Variants in CFAP77 observed in about 807,000 individuals in gnomAD.
CFAP77 encodes cilia- and flagella-associated protein 77.
A neutral mutation model predicts 31.1 loss-of-function variants in CFAP77; 25 were observed. The ratio of observed to expected loss-of-function variants is 0.80; its 90% CI spans 0.59 to 1.12. The LOEUF (loss-of-function observed/expected upper bound fraction) is 1.12. CFAP77 is among the 50% of genes most tolerant of loss of function. The pLI, the probability that CFAP77 is intolerant of heterozygous loss-of-function variation, is 0.00. For missense variants in CFAP77, 377 were observed against 397.3 expected (o/e 0.95, Z 0.44); for synonymous variants, 151 against 159.9 (o/e 0.94, Z 0.42).
At chr9:132,438,618 C>T (rs1211764470) in intron 1 of CFAP77, among the ~76,000 whole-genome samples, 1 of 148,964 alleles carries the variant, frequency 6.7e-6, no homozygotes, top group African/African-American at 2.5e-5. Flanking sequence ...TCACTGCAGC[C>T]CCAACCTCCT....
intron 1 of CFAP77, among the ~76,000 whole-genome samples, chr9:132,488,367 A>G (rs1392158947): frequency 6.6e-6 from 1 of 152,156 alleles, no homozygotes; most frequent in Admixed American, 6.5e-5. Flanking sequence ...TGGCTTCCCC[A>G]CTTTTCACCT....
intron 1 of CFAP77, among the ~76,000 whole-genome samples, chr9:132,441,750 C>G (rs1246102016): frequency 6.6e-6 from 1 of 152,126 alleles, no homozygotes; most frequent in Non-Finnish European, 1.5e-5. Flanking sequence ...GATTCAAATA[C>G]CAGGAACCCG....
rs507998 is a variant in CFAP77, at chr9:132,455,104, C to T, written c.196-43591C>T. On this transcript the variant is annotated intron_variant, in intron 1 of 5. Coordinates refer to ENST00000393216, the MANE Select transcript of CFAP77 (RefSeq NM_001282957.2). The surrounding 1 kb of genome is among the most constrained non-coding windows in gnomAD (Gnocchi z 4.1). ...GATATCTTGTGAAGTTTGTTCTACT[C>T]GCAGATCCTAGCTGGCCCTTTCCTA... 0.26 allele frequency among the ~76,000 whole-genome samples: 39,635 copies of T among 152,174 alleles called. 5,307 individuals are homozygous for T. The highest frequency in any genetic ancestry group is 0.35 in the Admixed American group (5,345 of 15,286).
intron 1 of CFAP77, among the ~76,000 whole-genome samples, chr9:132,460,035 T>C (rs12335973): frequency 0.073 from 11,095 of 152,206 alleles, 390 homozygotes; most frequent in Middle Eastern, 0.1. Context: ...CATCCTTCCA[T>C]GCAGGGCATC....
At chr9:132,413,833 T>G (rs1850052784) in intron 1 of CFAP77, among the ~76,000 whole-genome samples, 1 of 152,200 alleles carries the variant, frequency 6.6e-6, no homozygotes, top group African/African-American at 2.4e-5. Flanking sequence ...CACCCGATTT[T>G]TTCATAATTT....
chr9:132,436,799 T>C (rs1312020756), intron 1 of CFAP77, among the ~76,000 whole-genome samples: 1 of 151,798 alleles, frequency 6.6e-6, no homozygotes, highest in Non-Finnish European at 1.5e-5. Context: ...GGTTGATGAG[T>C]GGGGTAGTGA....
chr9:132,572,301 T>A, intron 5 of CFAP77, 87 bp from the exon 6 acceptor site: 11 of 1,438,306 alleles, frequency 7.6e-6, no homozygotes, highest in Non-Finnish European at 1.0e-5. Context: ...ATTCTAAGAT[T>A]GAAGCAGGGG....
At chr9:132,551,768 T>C (rs956906069) in intron 5 of CFAP77, among the ~76,000 whole-genome samples, 1 of 152,192 alleles carries the variant, frequency 6.6e-6, no homozygotes, top group Non-Finnish European at 1.5e-5. Flanking sequence ...ACTTGGACTC[T>C]GGCTGGCTGC....
rs1260563222 is a variant in CFAP77 at position 132,455,812 on chromosome 9, G to T, written c.196-42883G>T. Among the ~76,000 whole-genome samples the T allele has an allele frequency of 2.0e-5, 3 of 152,148 alleles. No individual in the cohort carries two copies. Among genetic ancestry groups the T allele is most frequent in the Non-Finnish European group, 4.4e-5 (3 of 68,022 alleles). ...CAACAGGATGCAATTGTCAAGGAAA[G>T]GCTGTAACTCTTAACTGTGGGGTTT... On this transcript the variant is annotated intron_variant, in intron 1 of 5. Coordinates refer to ENST00000393216, the MANE Select transcript of CFAP77 (RefSeq NM_001282957.2). This position sits in a 1 kb window ranked among gnomAD's most constrained non-coding sequence, Gnocchi z 4.1.
At chr9:132,449,027 CAA>C (rs1850775446) in intron 1 of CFAP77, among the ~76,000 whole-genome samples, 1 of 152,142 alleles carries the variant, frequency 6.6e-6, no homozygotes, top group Admixed American at 6.5e-5. Context: ...GGGCTGTGGA[CAA>C]GGGTAGGGCA....
intron 1 of CFAP77, among the ~76,000 whole-genome samples, chr9:132,419,862 AGTT>A (rs1850179361): frequency 6.6e-6 from 1 of 152,092 alleles, no homozygotes; most frequent in Non-Finnish European, 1.5e-5. Flanking sequence ...AAAACTCATA[AGTT>A]ATTAAAAGTG....
chr9:132,524,743 G>C (rs1171150277), intron 3 of CFAP77, among the ~76,000 whole-genome samples: 4 of 151,334 alleles, frequency 2.6e-5, no homozygotes, highest in Non-Finnish European at 5.9e-5. Flanking sequence ...CCGCCTCCCG[G>C]GTTCACACCA....
At chr9:132,469,986 T>C (rs1851224997) in intron 1 of CFAP77, among the ~76,000 whole-genome samples, 2 of 152,060 alleles carry the variant, frequency 1.3e-5, no homozygotes, top group Non-Finnish European at 2.9e-5. Flanking sequence ...ATAACAGGCA[T>C]GTGCCACCAC....
chr9:132,513,131 G>A (rs1852070599), intron 3 of CFAP77: 1 of 944,850 alleles, frequency 1.1e-6, no homozygotes, highest in African/African-American at 1.7e-5. Context: ...GGAGAATGGG[G>A]TCTCCAGCTC....
chr9:132,520,011 A>T (rs551541742), intron 3 of CFAP77, among the ~76,000 whole-genome samples: 1 of 151,966 alleles, frequency 6.6e-6, no homozygotes, highest in African/African-American at 2.4e-5. Context: ...CATGAGGTGC[A>T]CTGCCCTTCT....
intron 5 of CFAP77, among the ~76,000 whole-genome samples, chr9:132,561,604 TACACACACAC>T (rs61039438): frequency 0.018 from 2,061 of 111,528 alleles, 37 homozygotes; most frequent in East Asian, 0.06. Flanking sequence ...GAGGTGCATG[TACACACACAC>T]ACACACACAC....
At chr9:132,457,251 G>A (rs900609526) in intron 1 of CFAP77, among the ~76,000 whole-genome samples, 6 of 124,190 alleles carry the variant, frequency 4.8e-5, no homozygotes, top group African/African-American at 1.2e-4. Flanking sequence ...ACGCATGCCC[G>A]CCACACTCAG....
At chr9:132,542,869 G>A (rs555596255) in intron 4 of CFAP77, 77 bp from the exon 5 acceptor site, 205 of 1,150,782 alleles carry the variant, frequency 1.8e-4, no homozygotes, top group Middle Eastern at 1.4e-3. Context: ...CCAGCCCTCT[G>A]TCTCTATATC....
At chr9:132,548,103 C>T (rs543407440) in intron 5 of CFAP77, among the ~76,000 whole-genome samples, 8 of 152,306 alleles carry the variant, frequency 5.3e-5, no homozygotes, top group East Asian at 3.9e-4. Flanking sequence ...TTGAAAACCA[C>T]GGCTTTGATC....
Sources: allele counts gnomAD v4.1 joint callset (sites outside exome capture counted in the v4.1 genomes callset), GRCh38; gene constraint gnomAD v4.1.1; non-coding constraint Gnocchi (gnomAD v3.1); transcripts MANE v1.5; gene names NCBI Gene and HGNC (gene_info 2026-07-23, HGNC 2026-07-21).